Variants in GFAP observed in about 807,000 individuals in gnomAD.
The protein encoded by GFAP is glial fibrillary acidic protein.
Under a neutral mutation model 49.3 loss-of-function variants are expected in GFAP, and 38 were observed. The ratio of observed to expected loss-of-function variants is 0.77; its 90% confidence interval spans 0.60 to 1.01. GFAP has a LOEUF of 1.01. Among genes scored for constraint, GFAP ranks in the 50% least tolerant of loss-of-function variants. The pLI, the probability that GFAP is intolerant of heterozygous loss-of-function variation, is 0.00. For missense variants in GFAP, 463 were observed against 579.1 expected, an observed-to-expected ratio of 0.80 and a Z score of 2.06; for synonymous variants, 222 against 236.4, an observed-to-expected ratio of 0.94 and a Z score of 0.56.
chr17:44,911,558 A>T (rs943509026), intron 5 of GFAP, 102 bp from the exon 6 acceptor site: 13 of 1,562,732 alleles, frequency 8.3e-6, no homozygotes, highest in Non-Finnish European at 1.0e-5. Flanking sequence ...CCCGGGGGTA[A>T]CGTTCAGGCC....
chr17:44,903,725 C>G lies in GFAP; in HGVS notation c.*3622G>C. On this transcript the variant is annotated 3_prime_UTR_variant, in exon 9 of 9. Transcript: ENST00000588735. ...TGCTGCTTTTCCTGGCTGCATAATC[C>G]TTTCCTCATCTAGAGGCTTCCGCTT... The G allele has an allele frequency of 6.9e-7, 1 of 1,447,050 alleles. No individual in the cohort carries two copies. The allele number at this position is 1,447,050 out of a possible 1,614,324, so 89.6% of individuals were successfully genotyped here. A position where few individuals can be genotyped will look rare whatever the true frequency, so the allele number is the denominator to read the frequency against.
chr17:44,911,207 C>T, intron 6 of GFAP, 29 bp downstream of exon 6: 2 of 1,598,862 alleles, frequency 1.3e-6, no homozygotes, highest in Non-Finnish European at 1.7e-6. Context: ...AGCAGGGAGA[C>T]TTCCCCAGGG....
At position 44,904,597 on chromosome 17, in the gene GFAP, C is replaced by T; in HGVS notation, c.*2750G>A. ...CCATCCGGGAGGGCGTGCTGGCCAT[C>T]ATTAACTATGTGTCCAAAGTGGGCA... On this transcript the variant is annotated 3_prime_UTR_variant, in exon 9 of 9. Coordinates refer to ENST00000588735, the MANE Select transcript of GFAP (RefSeq NM_002055.5). The T allele has an allele frequency of 1.9e-6, 3 of 1,550,594 alleles. No homozygotes were observed. The highest frequency in any genetic ancestry group is 2.6e-6 in the Non-Finnish European group (3 of 1,147,004).
chr17:44,903,323 T>C lies in GFAP; in HGVS notation c.*4024A>G. Reference sequence around the variant, plus strand: ...TTTTCCCCTAGAGACTCAGTTCTTGTGCAGGTTGGGCCTGGGAAAGTCCCA... The same window carrying C: ...TTTTCCCCTAGAGACTCAGTTCTTGCGCAGGTTGGGCCTGGGAAAGTCCCA... On this transcript the variant is annotated 3_prime_UTR_variant, in exon 9 of 9. Transcript: ENST00000588735. 8.0e-7 allele frequency: 1 copy of C among 1,247,124 alleles called. No homozygotes were observed. Among genetic ancestry groups the C allele is most frequent in the Non-Finnish European group, 1.0e-6 (1 of 996,700 alleles). The allele number at this position is 1,247,124 out of a possible 1,614,324, so 77.3% of individuals were successfully genotyped here. A position where few individuals can be genotyped will look rare whatever the true frequency, so the allele number is the denominator to read the frequency against.
chr17:44,910,286 C>T, intron 7 of GFAP: 4 of 1,613,904 alleles, frequency 2.5e-6, no homozygotes, highest in Non-Finnish European at 3.4e-6. Flanking sequence ...GTTAAAAAAA[C>T]AAAAACAGAA....
Position 44,913,796 on chromosome 17 carries a change from G to C in GFAP, c.550C>G (p.Leu184Val). 1 of 1,614,164 alleles carries C rather than the reference G, an allele frequency of 6.2e-7. No individual in the cohort carries two copies. Among genetic ancestry groups the C allele is most frequent in the Non-Finnish European group, 8.5e-7 (1 of 1,179,996 alleles). The change falls in exon 3 of 9, where the codon CTG (leucine) becomes GTG (valine). Residue 184 changes from leucine (L) to valine (V), a missense_variant. By Grantham distance (32) the Leu-to-Val change is conservative. Around this residue, in one of 3 missense-constraint regions of GFAP, gnomAD observed 362 missense variants for 445.5 expected, o/e 0.81. Transcript: ENST00000588735. The stretch of plus-strand genomic sequence containing the variant: ...GACTCAATCTTCCTCTCCAGATCCA[G>C]ACGGGCCAGGGTGGCTTCATCTGCT... The part of the protein sequence containing the change: ...QEADEATLAR[L>V]DLERKIESLE...
chr17:44,909,112 A>T (rs1048918220), intron 7 of GFAP: 1 of 151,888 alleles, frequency 6.6e-6, no homozygotes, highest in Non-Finnish European at 1.5e-5. Context: ...GGAAGGAAGG[A>T]AAGAAGGAAG....
chr17:44,911,643 C>T (rs375515802), intron 5 of GFAP, 29 bp downstream of exon 5: 1 of 1,608,326 alleles, frequency 6.2e-7, no homozygotes, highest in Non-Finnish European at 8.5e-7. Flanking sequence ...CTGCTCCGCC[C>T]GTCCCCGTCC....
At position 44,903,977 on chromosome 17, in the gene GFAP, G is replaced by A. The variant is rs755099136; in HGVS notation, c.*3370C>T. 163 of 1,550,462 alleles carry A rather than the reference G, an allele frequency of 1.1e-4. No homozygotes were observed. The highest frequency in any genetic ancestry group is 1.3e-4 in the Non-Finnish European group (152 of 1,147,020). ...AGCCTACCTGGCCGACATGAGCTTT[G>A]AGCTTCCCTGTCACTGCAAACCCGA... On this transcript the variant is annotated 3_prime_UTR_variant, in exon 9 of 9. Transcript: ENST00000588735.
At chr17:44,908,306 G>C in intron 7 of GFAP, 157 bp from the exon 8 acceptor site, 1 of 477,150 alleles carries the variant, frequency 2.1e-6, no homozygotes. Flanking sequence ...ACGGGCTGGA[G>C]AGCCCCCAAA....
In GFAP at chr17:44,903,455, G is replaced by A; in HGVS notation, c.*3892C>T. The A allele has an allele frequency of 8.0e-7, 1 of 1,254,742 alleles. No homozygotes were observed. Among genetic ancestry groups the A allele is most frequent in the Non-Finnish European group, 1.0e-6 (1 of 1,001,568 alleles). The allele number at this position is 1,254,742 out of a possible 1,614,324, so 77.7% of individuals were successfully genotyped here. Reference sequence around the variant, plus strand: ...AAAGACTTTTCCACCAGGCTGGCAGGGCAGGGCCTGGAGCACTGAGGCAGA... The same window carrying A: ...AAAGACTTTTCCACCAGGCTGGCAGAGCAGGGCCTGGAGCACTGAGGCAGA... On this transcript the variant is annotated 3_prime_UTR_variant, in exon 9 of 9. Transcript: ENST00000588735.
intron 8 of GFAP, chr17:44,907,796 C>A: frequency 1.7e-6 from 1 of 582,306 alleles, no homozygotes. Context: ...GCAAGCAAGG[C>A]CCCCGAGTTT....
intron 7 of GFAP, chr17:44,909,781 G>A: frequency 1.4e-5 from 16 of 1,122,714 alleles, no homozygotes; most frequent in Non-Finnish European, 1.8e-5. Context: ...TGGAGCCTCA[G>A]GGATGAAAGA....
chr17:44,905,371 C>A lies in GFAP; in HGVS notation c.*1976G>T. 1 of 384,268 alleles carries A rather than the reference C, an allele frequency of 2.6e-6. No homozygotes were observed. The highest frequency in any genetic ancestry group is 5.0e-6 in the Non-Finnish European group (1 of 200,850). 23.8% of individuals were successfully genotyped at this position (384,268 alleles called of 1,614,324 possible). A position where few individuals can be genotyped will look rare whatever the true frequency, so the allele number is the denominator to read the frequency against. On this transcript the variant is annotated 3_prime_UTR_variant, in exon 9 of 9. Coordinates refer to ENST00000588735, the MANE Select transcript of GFAP (RefSeq NM_002055.5). ...ACTCAGATTTATCCAGTGGTAAACA[C>A]TGATCAGTGTTGAATCATGTTTGAG...
At chr17:44,909,816 G>C in intron 7 of GFAP, 1 of 1,192,432 alleles carries the variant, frequency 8.4e-7, no homozygotes, top group African/African-American at 1.5e-5. Flanking sequence ...CTGGCGTCCA[G>C]GCACAGCGAG....
Position 44,905,196 on chromosome 17 carries a change from C to T in GFAP, c.*2151G>A, listed in dbSNP as rs2051636569. ...GAACATGTGGACAAATCTGTTACAGCCTGCTCCCCATTTTCATGGGCAGGT... is the reference window on the plus strand; with the variant it reads ...GAACATGTGGACAAATCTGTTACAGTCTGCTCCCCATTTTCATGGGCAGGT... On this transcript the variant is annotated 3_prime_UTR_variant, in exon 9 of 9. Transcript: ENST00000588735. The T allele has an allele frequency of 1.3e-6, 1 of 741,084 alleles. No homozygotes were observed. The highest frequency in any genetic ancestry group is 1.8e-5 in the African/African-American group (1 of 56,090). The allele number at this position is 741,084 out of a possible 1,614,324, so 45.9% of individuals were successfully genotyped here. A position where few individuals can be genotyped will look rare whatever the true frequency, so the allele number is the denominator to read the frequency against.
chr17:44,910,978 A>G, intron 6 of GFAP: 1 of 606,156 alleles, frequency 1.6e-6, no homozygotes, highest in Non-Finnish European at 2.9e-6. Context: ...GAAGATGGGG[A>G]GTATGCCTCT....
rs1274605644 is a variant in GFAP, at chr17:44,905,607, A to T, written c.*1740T>A. On this transcript the variant is annotated 3_prime_UTR_variant, in exon 9 of 9. Coordinates refer to ENST00000588735, the MANE Select transcript of GFAP (RefSeq NM_002055.5). ...TTGGCCCCAGTCCCGCCCTCTCATG[A>T]ACAGATCAGAGTCCACTCTGGGGAA... The T allele has an allele frequency of 1.3e-5, 2 of 157,526 alleles. No homozygotes were observed. The highest frequency in any genetic ancestry group is 2.8e-5 in the Non-Finnish European group (2 of 71,638). The allele number at this position is 157,526 out of a possible 1,614,324, so 9.8% of individuals were successfully genotyped here.
Position 44,915,210 on chromosome 17 carries a change from G to T in GFAP, c.277C>A (p.Gln93Lys). 1.2e-6 allele frequency: 2 copies of T among 1,614,240 alleles called. No homozygotes were observed. Among genetic ancestry groups the T allele is most frequent in the South Asian group, 2.2e-5 (2 of 91,090 alleles). The stretch of plus-strand genomic sequence containing the variant: ...AGCTCAGCAGCCAGCGCCTTGTTTT[G>T]CTGTTCCAGGAAGCGAACCTTCTCG... ...YIEKVRFLEQQNKALAAELNQ... is the reference protein window; with the variant it reads ...YIEKVRFLEQKNKALAAELNQ... The change falls in exon 1 of 9, where the codon CAA becomes AAA. Residue 93 changes from glutamine to lysine, a missense_variant. Around this residue, in one of 3 missense-constraint regions of GFAP, gnomAD observed 362 missense variants for 445.5 expected, o/e 0.81. Transcript: ENST00000588735. This position sits in a 1 kb window ranked among gnomAD's most constrained non-coding sequence, Gnocchi z 4.1.
Sources: allele counts gnomAD v4.1 joint callset, GRCh38; gene constraint gnomAD v4.1.1; regional missense constraint gnomAD v4.1.1; non-coding constraint Gnocchi (gnomAD v3.1); transcripts MANE v1.5; gene names NCBI Gene and HGNC (gene_info 2026-07-23, HGNC 2026-07-21).